Variants in KRTAP9-6 observed in about 807,000 individuals in gnomAD.
KRTAP9-6 encodes the protein keratin-associated protein 9-6.
In KRTAP9-6, 5 loss-of-function variants were observed where a neutral mutation model predicts 11.3. The observed-to-expected ratio is 0.44, with a 90% CI of 0.23 to 0.93. The LOEUF (loss-of-function observed/expected upper bound fraction) is 0.93. Among genes scored for constraint, KRTAP9-6 ranks in the 40% least tolerant of loss-of-function variants. The pLI, the probability that KRTAP9-6 is intolerant of heterozygous loss-of-function variation, is 0.23. For missense variants in KRTAP9-6, 81 were observed against 159.6 expected (o/e 0.51, Z 2.65); for synonymous variants, 37 against 57.8 (o/e 0.64, Z 1.63).
exon 1 of KRTAP9-6, chr17:41,265,525 C>A (rs748910470): frequency 3.8e-6 from 6 of 1,576,532 alleles, no homozygotes; most frequent in Non-Finnish European, 3.5e-6. Context: ...CTGCTGCCAG[C>A]CTTACTGCCA....
Position 41,265,440 on chromosome 17 carries a change from T to C in KRTAP9-6, c.63T>C (p.Thr21=), listed in dbSNP as rs572176288. The change falls in exon 1 of 1, where the codon ACT becomes ACC. Residue 21 remains threonine (T), a synonymous_variant. Coordinates refer to ENST00000391355, the Ensembl canonical transcript of KRTAP9-6. ...GCTGCAGGACCACTTGCTGCAGGAC[T>C]ACCTGCTGGCAGCCCACCATTGTGA... 3.7e-6 allele frequency: 6 copies of C among 1,612,354 alleles called. No homozygotes were observed. The Admixed American group carries it at 6.7e-5, about 18-fold the overall frequency.
exon 1 of KRTAP9-6, chr17:41,265,619 G>A: frequency 6.5e-7 from 1 of 1,547,310 alleles, no homozygotes; most frequent in East Asian, 2.3e-5. Flanking sequence ...CCTTCCTGCT[G>A]CAGCACACCC....
At chr17:41,265,415 G>T in exon 1 of KRTAP9-6, 1 of 1,612,224 alleles carries the variant, frequency 6.2e-7, no homozygotes, top group East Asian at 2.2e-5. Flanking sequence ...CAGCCTACCT[G>T]CTGCAGGACC....
rs149121215 is a variant in KRTAP9-6, at chr17:41,265,591, G to C, written c.214G>C (p.Val72Leu). The C allele has an allele frequency of 2.6e-3, 4,188 of 1,581,756 alleles. 124 individuals carry two copies. In the African/African-American group the frequency reaches 0.048, roughly 18 times the overall value. The change falls in exon 1 of 1, where the codon GTG (valine) becomes CTG (leucine). Residue 72 changes from valine to leucine, a missense_variant. Val to Leu is a conservative substitution (Grantham distance 32). Transcript: ENST00000391355. Reference sequence around the variant, plus strand: ...GACCACCTGCTGCCAGCCCACCTGTGTGACCAGCTGCTGCCAGCCTTCCTG... The same window carrying C: ...GACCACCTGCTGCCAGCCCACCTGTCTGACCAGCTGCTGCCAGCCTTCCTG...
At position 41,265,751 on chromosome 17, in the gene KRTAP9-6, C is replaced by G. The variant is rs12938139; in HGVS notation, c.374C>G (p.Thr125Ser). 4.7e-4 allele frequency: 350 copies of G among 738,366 alleles called. 26 individuals carry two copies. Among genetic ancestry groups the G allele is most frequent in the African/African-American group, 4.4e-3 (231 of 52,178 alleles). 45.7% of individuals were successfully genotyped at this position (738,366 alleles called of 1,614,324 possible). Residue 125 changes from threonine (T) to serine (S), a missense_variant, in exon 1 of 1, where the codon ACT becomes AGT. Thr to Ser is a moderately conservative substitution (Grantham distance 58). Around this residue, in one of 2 missense-constraint regions of KRTAP9-6, gnomAD observed 34 missense variants for 99.4 expected, o/e 0.34. Coordinates refer to ENST00000391355, the Ensembl canonical transcript of KRTAP9-6. ...AGAAGAACCTGCTACCACCCCACGA[C>G]TGTCTGCCTGCCTGGTTGCCTCAAC...
In KRTAP9-6 at chr17:41,265,620, C is replaced by T. The variant is rs772071294; in HGVS notation, c.243C>T (p.Cys81=). 6.8e-5 allele frequency: 105 copies of T among 1,545,552 alleles called. 1 individual carries two copies. In the African/African-American group the frequency reaches 1.5e-3, roughly 22 times the overall value. Reference sequence around the variant, plus strand: ...CCAGCTGCTGCCAGCCTTCCTGCTGCAGCACACCCTGCTACCAGCCCATCT... The same window carrying T: ...CCAGCTGCTGCCAGCCTTCCTGCTGTAGCACACCCTGCTACCAGCCCATCT... Residue 81 remains cysteine, a synonymous_variant, in exon 1 of 1, where the codon TGC becomes TGT. Transcript: ENST00000391355.
At chr17:41,265,845 G>A in exon 1 of KRTAP9-6, 1 of 741,514 alleles carries the variant, frequency 1.3e-6, no homozygotes. Context: ...GCTGCTGCCA[G>A]CATTCTTGTT....
rs2016463314 is a variant in KRTAP9-6, at chr17:41,265,701, C to T, written c.324C>T (p.Ser108=). The T allele has an allele frequency of 2.7e-6, 2 of 739,874 alleles. 1 individual carries two copies. Among genetic ancestry groups the T allele is most frequent in the African/African-American group, 3.8e-5 (2 of 53,176 alleles). 45.8% of individuals were successfully genotyped at this position (739,874 alleles called of 1,614,324 possible). A position where few individuals can be genotyped will look rare whatever the true frequency, so the allele number is the denominator to read the frequency against. Residue 108 remains serine, a synonymous_variant, in exon 1 of 1, where the codon AGC becomes AGT. Coordinates refer to ENST00000391355, the Ensembl canonical transcript of KRTAP9-6. Reference sequence around the variant, plus strand: ...GCTGTGGGTCCAGCTGTGGCCAGAGCAGCTCCTGTGCACCTGTGTACTGCA... The same window carrying T: ...GCTGTGGGTCCAGCTGTGGCCAGAGTAGCTCCTGTGCACCTGTGTACTGCA...
chr17:41,265,533 C>T (rs2016455710), exon 1 of KRTAP9-6: 4 of 1,573,234 alleles, frequency 2.5e-6, no homozygotes, highest in Non-Finnish European at 3.5e-6. Context: ...AGCCTTACTG[C>T]CACCCAACTT....
exon 1 of KRTAP9-6, chr17:41,265,430 G>C (rs1160898519): frequency 1.9e-6 from 3 of 1,612,558 alleles, no homozygotes; most frequent in Non-Finnish European, 2.5e-6. Context: ...AGGACCACTT[G>C]CTGCAGGACT....
chr17:41,265,483 C>T lies in KRTAP9-6; in HGVS notation c.106C>T (p.Pro36Ser), dbSNP rs766538988. The T allele has an allele frequency of 1.2e-5, 19 of 1,612,374 alleles. No individual in the cohort carries two copies. In the East Asian group the frequency reaches 1.8e-4, roughly 15 times the overall value. ...CATTGTGACCACCTGCAGCAGCACA[C>T]CCTGCTGCCAGCCCTCCTGCTGTGT... Residue 36 changes from proline to serine, a missense_variant, in exon 1 of 1, where the codon CCC becomes TCC. By Grantham distance (74) the Pro-to-Ser change is moderately conservative. Around this residue, in one of 2 missense-constraint regions of KRTAP9-6, gnomAD observed 47 missense variants for 60.1 expected, o/e 0.78. Coordinates refer to ENST00000391355, the Ensembl canonical transcript of KRTAP9-6.
exon 1 of KRTAP9-6, chr17:41,265,455 C>T (rs775275228): frequency 3.1e-6 from 5 of 1,612,696 alleles, no homozygotes; most frequent in East Asian, 2.2e-5. Context: ...GCTGGCAGCC[C>T]ACCATTGTGA....
Position 41,265,518 on chromosome 17 carries a change from C to T in KRTAP9-6, c.141C>T (p.Cys47=). The change falls in exon 1 of 1, where the codon TGC becomes TGT. Residue 47 remains cysteine (C), a synonymous_variant. Transcript: ENST00000391355. ...AGCCCTCCTGCTGTGTGTCCAGCTG[C>T]TGCCAGCCTTACTGCCACCCAACTT... 4 of 1,577,926 alleles carry T rather than the reference C, an allele frequency of 2.5e-6. No homozygotes were observed. In the African/African-American group the frequency reaches 4.1e-5, roughly 16 times the overall value.
chr17:41,265,505 G>A, exon 1 of KRTAP9-6: 1 of 1,587,420 alleles, frequency 6.3e-7, no homozygotes, highest in African/African-American at 1.3e-5. Context: ...CCCTCCTGCT[G>A]TGTGTCCAGC....
At chr17:41,265,378 A>G (rs752480304) in exon 1 of KRTAP9-6, 13 of 1,610,900 alleles carry the variant, frequency 8.1e-6, no homozygotes, top group Non-Finnish European at 1.0e-5. Context: ...CCCTGACAAC[A>G]TGACCCACTG....
exon 1 of KRTAP9-6, chr17:41,265,618 T>G (rs1568097825): frequency 1.3e-6 from 2 of 1,545,352 alleles, no homozygotes; most frequent in South Asian, 2.3e-5. Flanking sequence ...GCCTTCCTGC[T>G]GCAGCACACC....
rs765470906 is a variant in KRTAP9-6, at chr17:41,265,627, C to A, written c.250C>A (p.Pro84Thr). ...CTGCCAGCCTTCCTGCTGCAGCACA[C>A]CCTGCTACCAGCCCATCTGCTGTGG... The change falls in exon 1 of 1, where the codon CCC becomes ACC. Residue 84 changes from proline to threonine, a missense_variant. By Grantham distance (38) the Pro-to-Thr change is conservative (BLOSUM62 -1). Coordinates refer to ENST00000391355, the Ensembl canonical transcript of KRTAP9-6. 49 of 1,523,756 alleles carry A rather than the reference C, an allele frequency of 3.2e-5. 3 individuals are homozygous for A. The African/African-American group carries it at 3.5e-4, about 11-fold the overall frequency. 94.4% of individuals were successfully genotyped at this position (1,523,756 alleles called of 1,614,324 possible). A position where few individuals can be genotyped will look rare whatever the true frequency, so the allele number is the denominator to read the frequency against.
chr17:41,265,387 T>C (rs1235441294), exon 1 of KRTAP9-6: 1 of 1,611,616 alleles, frequency 6.2e-7, no homozygotes, highest in Non-Finnish European at 8.5e-7. Flanking sequence ...CATGACCCAC[T>C]GTTGCTCCCC....
rs558609606 is a variant in KRTAP9-6 at position 41,265,853 on chromosome 17, G to A, written c.476G>A (p.Cys159Tyr). The change falls in exon 1 of 1, where the codon TGT becomes TAT. Residue 159 changes from cysteine (C) to tyrosine (Y), a missense_variant. Coordinates refer to ENST00000391355, the Ensembl canonical transcript of KRTAP9-6. ...GTGTCCAGCTGCTGCCAGCATTCTT[G>A]TTGCTGAGCAGCACCACAGAGGACC... 1.7e-4 allele frequency: 125 copies of A among 741,284 alleles called. 37 individuals carry two copies. The African/African-American group carries it at 2.1e-3, about 12-fold the overall frequency. The allele number at this position is 741,284 out of a possible 1,614,324, so 45.9% of individuals were successfully genotyped here. A position where few individuals can be genotyped will look rare whatever the true frequency, so the allele number is the denominator to read the frequency against.
Sources: gnomAD v4.1 joint callset for allele counts on GRCh38, gnomAD v4.1.1 for gene constraint, gnomAD v4.1.1 regional missense constraint, MANE v1.5 for transcripts, NCBI Gene and HGNC (gene_info 2026-07-23, HGNC 2026-07-21) for gene names.